Variants in APBB2 observed in about 807,000 individuals in gnomAD.
APBB2 encodes Fe65-like 1.
APBB2 carries 38 observed loss-of-function variants against 82.5 expected under a neutral mutation model. The ratio of observed to expected loss-of-function variants is 0.46; its 90% CI spans 0.36 to 0.60. The LOEUF (loss-of-function observed/expected upper bound fraction) is 0.60, where lower values mean the gene tolerates loss of function less well. Among genes scored for constraint, APBB2 ranks in the 20% least tolerant of loss-of-function variants. APBB2 has a pLI of 0.00. For missense variants in APBB2, 772 were observed against 972.3 expected (o/e 0.79, Z 2.74); for synonymous variants, 341 against 368.2 (o/e 0.93, Z 0.85).
intron 12 of APBB2, among the ~76,000 whole-genome samples, chr4:40,847,709 A>G (rs1346438582): frequency 6.6e-6 from 1 of 152,194 alleles, no homozygotes; most frequent in Non-Finnish European, 1.5e-5. Context: ...TGAATTTTCA[A>G]GGGGCTTTCT....
intron 3 of APBB2, among the ~76,000 whole-genome samples, chr4:41,086,465 C>G (rs1739708505): frequency 6.6e-6 from 1 of 152,134 alleles, no homozygotes; most frequent in Admixed American, 6.5e-5. Flanking sequence ...GATTATACAC[C>G]ATGATCAAGT....
intron 3 of APBB2, among the ~76,000 whole-genome samples, chr4:41,083,545 G>A (rs777253078): frequency 5.3e-5 from 8 of 151,690 alleles, no homozygotes; most frequent in East Asian, 2.0e-4. Context: ...AAAATTAGCC[G>A]GGCACGGTAG....
chr4:41,093,635 C>G (rs1742529755), intron 3 of APBB2, among the ~76,000 whole-genome samples: 1 of 152,128 alleles, frequency 6.6e-6, no homozygotes, highest in Admixed American at 6.5e-5. Flanking sequence ...GTGCAGATCA[C>G]CTGAGTTCAG....
chr4:40,945,092 G>C lies in APBB2; in HGVS notation c.836-19C>G. 3 of 1,109,242 alleles carry C rather than the reference G, an allele frequency of 2.7e-6. No homozygotes were observed. The highest frequency in any genetic ancestry group is 3.9e-6 in the Non-Finnish European group (3 of 767,018). The allele number at this position is 1,109,242 out of a possible 1,614,324, so 68.7% of individuals were successfully genotyped here. The stretch of plus-strand genomic sequence containing the variant: ...ATATCTGCTGAAAAATTGGGGGGCG[G>C]GGCGGGGGGAGAAAGAGAGAATTTT... On this transcript the variant is annotated intron_variant, in intron 6 of 17. Transcript: ENST00000508593.
In APBB2 at chr4:41,165,936, C is replaced by T. The variant is rs527670307; in HGVS notation, c.-416-22794G>A. 2.5e-3 allele frequency among the ~76,000 whole-genome samples: 370 copies of T among 146,704 alleles called. 4 individuals are homozygous for T. Among genetic ancestry groups the T allele is most frequent in the African/African-American group, 9.0e-3 (354 of 39,364 alleles). Reference sequence around the variant, plus strand: ...TCACCCAGCCTGGAGTGCAGTGGCGCGATCTCCACTCACTGCAAGCTCCGC... The same window carrying T: ...TCACCCAGCCTGGAGTGCAGTGGCGTGATCTCCACTCACTGCAAGCTCCGC... On this transcript the variant is annotated intron_variant, in intron 1 of 17. Coordinates refer to ENST00000508593, the MANE Select transcript of APBB2 (RefSeq NM_004307.2).
Position 41,106,001 on chromosome 4 carries a change from G to A in APBB2, c.-260-5251C>T, listed in dbSNP as rs560197205. On this transcript the variant is annotated intron_variant, in intron 2 of 17. Transcript: ENST00000508593. ...ATGAATCTTAATTTTTCAAAGACAT[G>A]CTGAGATATACATTCACATATACAT... is the stretch of plus-strand genomic sequence containing the variant. 1.4e-4 allele frequency among the ~76,000 whole-genome samples: 22 copies of A among 152,016 alleles called. 1 individual carries two copies. Among genetic ancestry groups the A allele is most frequent in the Admixed American group, 2.0e-4 (3 of 15,260 alleles).
At chr4:41,077,167 GC>G (rs1735931250) in intron 3 of APBB2, among the ~76,000 whole-genome samples, 1 of 137,734 alleles carries the variant, frequency 7.3e-6, no homozygotes, top group Admixed American at 7.3e-5. Flanking sequence ...ACCACACCCA[GC>G]TAATTTTTTT....
intron 12 of APBB2, among the ~76,000 whole-genome samples, chr4:40,882,177 C>T (rs1375695266): frequency 1.3e-5 from 2 of 152,164 alleles, no homozygotes; most frequent in African/African-American, 2.4e-5. Flanking sequence ...CTAATAACTA[C>T]AATGGCAAAA....
chr4:40,991,590 C>T (rs1164936597), intron 6 of APBB2, among the ~76,000 whole-genome samples: 2 of 151,988 alleles, frequency 1.3e-5, no homozygotes, highest in Admixed American at 6.6e-5. Flanking sequence ...CTGCTTTTAT[C>T]CCTGTGTCTG....
At position 40,867,397 on chromosome 4, in the gene APBB2, C is replaced by A. The variant is rs113040951; in HGVS notation, c.1529+22967G>T. On this transcript the variant is annotated intron_variant, in intron 12 of 17. Transcript: ENST00000508593. ...ATATCTATCATTTCACTATAGCACC[C>A]CATTAGCCCTATTAAATTAGCTATT... Among the ~76,000 whole-genome samples, 22 of 152,282 alleles carry A rather than the reference C, an allele frequency of 1.4e-4. 1 individual carries two copies. Among genetic ancestry groups the A allele is most frequent in the African/African-American group, 5.1e-4 (21 of 41,544 alleles).
At chr4:40,960,743 C>T (rs1049896549) in intron 6 of APBB2, among the ~76,000 whole-genome samples, 25 of 151,942 alleles carry the variant, frequency 1.6e-4, no homozygotes, top group Admixed American at 8.5e-4. Flanking sequence ...CACCGTGCCC[C>T]GCCACTTTTT....
chr4:41,093,499 C>T (rs777203377), intron 3 of APBB2, among the ~76,000 whole-genome samples: 16 of 151,998 alleles, frequency 1.1e-4, no homozygotes, highest in Non-Finnish European at 2.2e-4. Flanking sequence ...AACCTATGAT[C>T]ACAACCTGTT....
In APBB2 at chr4:40,830,516, A is replaced by G; in HGVS notation, c.1591T>C (p.Cys531Arg). The G allele has an allele frequency of 6.2e-7, 1 of 1,614,188 alleles. No individual in the cohort carries two copies. The highest frequency in any genetic ancestry group is 8.5e-7 in the Non-Finnish European group (1 of 1,180,022). The change falls in exon 13 of 18, where the codon TGT becomes CGT. Residue 531 changes from cysteine (C) to arginine (R), a missense_variant. Physicochemically the swap from Cys to Arg is radical, Grantham distance 180 (BLOSUM62 -3). Coordinates refer to ENST00000508593, the MANE Select transcript of APBB2 (RefSeq NM_004307.2). Reference protein sequence around the residue: ...TRILKCHVFRCDTPAKAIATS... With the variant: ...TRILKCHVFRRDTPAKAIATS... ...GCAATGGCTTTTGCTGGTGTGTCAC[A>G]TCGAAATACATGACATTTCAAAATT...
chr4:41,058,314 G>A (rs1253207526), intron 4 of APBB2, among the ~76,000 whole-genome samples: 1 of 151,416 alleles, frequency 6.6e-6, no homozygotes, highest in Non-Finnish European at 1.5e-5. Flanking sequence ...GCAAGAGCAA[G>A]TTACAAAGAA....
intron 12 of APBB2, chr4:40,857,238 G>T: frequency 1.1e-6 from 1 of 941,138 alleles, no homozygotes; most frequent in Non-Finnish European, 1.3e-6. Flanking sequence ...GAGGCGCGTG[G>T]CCCCGCCCCA....
chr4:41,183,979 T>C (rs908758100), intron 1 of APBB2, among the ~76,000 whole-genome samples: 10 of 151,872 alleles, frequency 6.6e-5, no homozygotes, highest in African/African-American at 2.4e-4. Context: ...CCTGAGCTTG[T>C]TTTCCTGCAA....
At chr4:41,080,522 C>T (rs1410609799) in intron 3 of APBB2, among the ~76,000 whole-genome samples, 1 of 152,054 alleles carries the variant, frequency 6.6e-6, no homozygotes, top group African/African-American at 2.4e-5. Context: ...ATCATACAAA[C>T]CCGATAAAGA....
chr4:40,934,972 T>C (rs1042422640), intron 8 of APBB2, 105 bp downstream of exon 8: 18 of 978,878 alleles, frequency 1.8e-5, no homozygotes, highest in Non-Finnish European at 1.8e-5. Flanking sequence ...CCGATCACTG[T>C]GTCCCTGCAG....
At chr4:40,842,233 A>T in intron 12 of APBB2, 2 of 359,904 alleles carry the variant, frequency 5.6e-6, no homozygotes, top group South Asian at 4.0e-5. Flanking sequence ...GAAACAAAAC[A>T]AAACAAAACA....
Sources: gnomAD v4.1 joint callset for allele counts (sites outside exome capture counted in the v4.1 genomes callset) on GRCh38, gnomAD v4.1.1 for gene constraint, MANE v1.5 for transcripts, NCBI Gene and HGNC (gene_info 2026-07-23, HGNC 2026-07-21) for gene names.